TRAK1: variants seen among roughly 807,000 people sequenced by gnomAD.
The protein encoded by TRAK1 is trafficking kinesin-binding protein 1.
TRAK1 carries 33 observed loss-of-function variants against 92.1 expected under a neutral mutation model. The ratio of observed to expected loss-of-function variants is 0.36; its 90% CI spans 0.27 to 0.48. TRAK1 has a LOEUF of 0.48. Ranked by LOEUF, TRAK1 falls within the 20% of genes least tolerant of loss-of-function variation. TRAK1 has a pLI of 0.99. For synonymous variants in TRAK1, 521 were observed against 517.3 expected (o/e 1.01, Z -0.10); for missense variants, 1,123 against 1,257.9 (o/e 0.89, Z 1.62).
intron 13 of TRAK1, chr3:42,203,071 G>A: frequency 8.1e-7 from 1 of 1,237,460 alleles, no homozygotes; most frequent in Non-Finnish European, 1.0e-6. Flanking sequence ...GGCGGTAGAG[G>A]CACTGCTAAC....
intron 1 of TRAK1, among the ~76,000 whole-genome samples, chr3:42,057,030 G>C (rs1164154787): frequency 6.6e-6 from 1 of 152,134 alleles, no homozygotes; most frequent in African/African-American, 2.4e-5. Flanking sequence ...ACAGGGACCT[G>C]GTGAAGGGCA....
chr3:42,028,923 G>A (rs1296739432), intron 1 of TRAK1, among the ~76,000 whole-genome samples: 2 of 152,150 alleles, frequency 1.3e-5, no homozygotes, highest in Non-Finnish European at 2.9e-5. Flanking sequence ...AAATACCTAG[G>A]ATTGGGTAAT....
chr3:42,216,724 T>G (rs1242168910), intron 14 of TRAK1, among the ~76,000 whole-genome samples: 1 of 152,178 alleles, frequency 6.6e-6, no homozygotes, highest in Non-Finnish European at 1.5e-5. Context: ...AAAAAAGAAT[T>G]AGGGGTTTTT....
chr3:42,121,705 A>G (rs57037854), intron 1 of TRAK1, among the ~76,000 whole-genome samples: 3,185 of 152,306 alleles, frequency 0.021, 115 homozygotes, highest in African/African-American at 0.072. Context: ...GGAGAGCTGC[A>G]CGGGCCATCT....
intron 1 of TRAK1, among the ~76,000 whole-genome samples, chr3:42,124,813 G>A (rs189267040): frequency 3.9e-5 from 6 of 152,346 alleles, no homozygotes; most frequent in Admixed American, 2.0e-4. Context: ...TAAAGGATGG[G>A]CACCTATTGG....
intron 15 of TRAK1, among the ~76,000 whole-genome samples, chr3:42,219,810 T>TC (rs1710154627): frequency 6.8e-6 from 1 of 147,076 alleles, no homozygotes; most frequent in Non-Finnish European, 1.5e-5. Flanking sequence ...TTTTTTTTTT[T>TC]TTTGAGGCAG....
rs140042441 is a variant in TRAK1, at chr3:42,187,560, C to T, written c.481-485C>T. Among the ~76,000 whole-genome samples, 1,005 of 152,092 alleles carry T rather than the reference C, an allele frequency of 6.6e-3. 8 individuals carry two copies. The highest frequency in any genetic ancestry group is 0.021 in the African/African-American group (881 of 41,484). On this transcript the variant is annotated intron_variant, in intron 4 of 15. Coordinates refer to ENST00000327628, the MANE Select transcript of TRAK1 (RefSeq NM_001042646.3). ...TCAGCTCACTACAACCCCTGCCTCC[C>T]GTGTTCAAGCAATTCTCCTGCCTCA...
chr3:42,081,143 C>G (rs543019944), intron 1 of TRAK1, among the ~76,000 whole-genome samples: 26 of 152,276 alleles, frequency 1.7e-4, no homozygotes, highest in Non-Finnish European at 3.5e-4. Flanking sequence ...TCCCAAAGTG[C>G]TAGGATTATG....
intron 5 of TRAK1, 27 bp from the exon 6 acceptor site, chr3:42,188,989 A>C (rs112628696): frequency 1.3e-6 from 2 of 1,531,894 alleles, no homozygotes; most frequent in Non-Finnish European, 1.8e-6. Flanking sequence ...GCGTCTCCCT[A>C]GGTTGTGAGC....
chr3:42,148,919 G>A (rs750268859), intron 2 of TRAK1, among the ~76,000 whole-genome samples: 2 of 152,048 alleles, frequency 1.3e-5, no homozygotes, highest in Non-Finnish European at 2.9e-5. Context: ...TCTTTCTATC[G>A]TGACCCAAAG....
chr3:42,054,901 T>C (rs1241429141), intron 1 of TRAK1, among the ~76,000 whole-genome samples: 10 of 133,172 alleles, frequency 7.5e-5, no homozygotes, highest in South Asian at 5.0e-4. Context: ...TACAGCAAAC[T>C]AGATTTTTTT....
intron 2 of TRAK1, among the ~76,000 whole-genome samples, chr3:42,137,238 A>G (rs1171435133): frequency 6.6e-6 from 1 of 152,324 alleles, no homozygotes; most frequent in Admixed American, 6.5e-5. Context: ...TTGACCATTC[A>G]TCTATTATTA....
At chr3:42,101,205 C>T (rs1257632069) in intron 1 of TRAK1, among the ~76,000 whole-genome samples, 2 of 152,198 alleles carry the variant, frequency 1.3e-5, no homozygotes, top group South Asian at 2.1e-4. Flanking sequence ...GACCCAACCA[C>T]GCCACACAGG....
chr3:42,134,376 C>T (rs1237056878), intron 2 of TRAK1, among the ~76,000 whole-genome samples: 3 of 151,374 alleles, frequency 2.0e-5, no homozygotes, highest in African/African-American at 7.3e-5. Context: ...CTCTTGGCCT[C>T]AAGTGATCCT....
intron 1 of TRAK1, among the ~76,000 whole-genome samples, chr3:42,053,658 G>A (rs985016607): frequency 4.5e-4 from 69 of 152,238 alleles, no homozygotes; most frequent in African/African-American, 1.6e-3. Flanking sequence ...ACCTGCCCGA[G>A]CCAAGTCCAC....
At chr3:42,062,217 T>C (rs1463559695) in intron 1 of TRAK1, among the ~76,000 whole-genome samples, 1 of 151,948 alleles carries the variant, frequency 6.6e-6, no homozygotes, top group Non-Finnish European at 1.5e-5. Flanking sequence ...TGCTGCCTGT[T>C]ACTCTTGTGA....
intron 1 of TRAK1, among the ~76,000 whole-genome samples, chr3:42,023,771 T>TG (rs1701815356): frequency 7.1e-6 from 1 of 141,770 alleles, no homozygotes; most frequent in African/African-American, 2.7e-5. Context: ...TTTTTTTTTT[T>TG]GAGACGGAAT....
chr3:42,114,887 A>G (rs1708968949), intron 1 of TRAK1, among the ~76,000 whole-genome samples: 1 of 151,596 alleles, frequency 6.6e-6, no homozygotes, highest in Non-Finnish European at 1.5e-5. Flanking sequence ...TAATTTTTGT[A>G]TTTTTTGTAA....
intron 7 of TRAK1, 104 bp from the exon 8 acceptor site, chr3:42,192,971 G>A (rs1706034762): frequency 1.3e-6 from 2 of 1,508,018 alleles, no homozygotes; most frequent in Admixed American, 2.0e-5. Context: ...CTGTCTTTTA[G>A]TAAGGATGGT....
Sources: allele counts gnomAD v4.1 joint callset (sites outside exome capture counted in the v4.1 genomes callset), GRCh38; gene constraint gnomAD v4.1.1; transcripts MANE v1.5; gene names NCBI Gene and HGNC (gene_info 2026-07-23, HGNC 2026-07-21).